LHX1: variants seen among roughly 807,000 people sequenced by gnomAD.
LHX1 encodes LIM homeobox 1, also known as LIM/homeobox protein Lhx1.
In LHX1, 9 loss-of-function variants were observed where a neutral mutation model predicts 34.1. The ratio of observed to expected loss-of-function variants is 0.26; its 90% confidence interval spans 0.16 to 0.46. The LOEUF (loss-of-function observed/expected upper bound fraction) is 0.46, where lower values mean the gene tolerates loss of function less well. Among genes scored for constraint, LHX1 ranks in the 20% least tolerant of loss-of-function variants. The pLI is 1.00. For synonymous variants in LHX1, 254 were observed against 241.5 expected, an observed-to-expected ratio of 1.05 and a Z score of -0.48; for missense variants, 446 against 559.1, an observed-to-expected ratio of 0.80 and a Z score of 2.04.
rs980980899 is a variant in LHX1 at position 36,937,816 on chromosome 17, C to T, written c.-382C>T. 7.2e-5 allele frequency: 36 copies of T among 501,604 alleles called. No individual in the cohort carries two copies. The highest frequency in any genetic ancestry group is 1.2e-4 in the Non-Finnish European group (30 of 257,734). 31.1% of individuals were successfully genotyped at this position (501,604 alleles called of 1,614,324 possible). On this transcript the variant is annotated 5_prime_UTR_variant, in exon 1 of 5. Transcript: ENST00000614239. The stretch of plus-strand genomic sequence containing the variant: ...CGGCGAGTCGTCGTCTTCTTCTTCT[C>T]CGTTTTTATTTATTTATTTCCGTTC...
upstream of LHX1, chr17:36,937,147 G>T (rs1480644146): frequency 1.2e-5 from 5 of 432,824 alleles, no homozygotes; most frequent in Non-Finnish European, 2.3e-5. Context: ...CGACTGTGGG[G>T]TTAGACGGAG....
chr17:36,941,087 C>G (rs1381889015), intron 3 of LHX1, 200 bp downstream of exon 3: 5 of 848,592 alleles, frequency 5.9e-6, no homozygotes, highest in Non-Finnish European at 9.6e-6. Context: ...CTTCCCAGCC[C>G]AACAGAGGTG....
rs1002349488 is a variant in LHX1, at chr17:36,937,937, G to A, written c.-261G>A. On this transcript the variant is annotated 5_prime_UTR_variant, in exon 1 of 5. Coordinates refer to ENST00000614239, the MANE Select transcript of LHX1 (RefSeq NM_005568.5). ...GAGACTTCTTTTCCTCGCCCCGGGA[G>A]CTCAGGCGGCGCCGCTCCAGCCCGG... 1.7e-6 allele frequency: 1 copy of A among 601,432 alleles called. No homozygotes were observed. The highest frequency in any genetic ancestry group is 3.0e-6 in the Non-Finnish European group (1 of 334,258). 37.3% of individuals were successfully genotyped at this position (601,432 alleles called of 1,614,324 possible).
In LHX1 at chr17:36,938,297, T is replaced by C. The variant is rs757283895; in HGVS notation, c.100T>C (p.Cys34Arg). 1 of 1,614,208 alleles carries C rather than the reference T, an allele frequency of 6.2e-7. No homozygotes were observed. The highest frequency in any genetic ancestry group is 1.3e-5 in the African/African-American group (1 of 75,050). ...CGTCAAGTGCGTCCAGTGCTGTGAA[T>C]GTAAATGCAACCTGACCGAGAAGTG... Reference protein sequence around the residue: ...WHVKCVQCCECKCNLTEKCFS... With the variant: ...WHVKCVQCCERKCNLTEKCFS... Residue 34 changes from cysteine to arginine, a missense_variant, in exon 1 of 5, where the codon TGT (cysteine) becomes CGT (arginine). By Grantham distance (180) the Cys-to-Arg change is radical (BLOSUM62 -3). Transcript: ENST00000614239.
chr17:36,940,258 C>CCGGGGGGGGGGGGGGGGG, intron 1 of LHX1, 32 bp from the exon 2 acceptor site: 1 of 528,908 alleles, frequency 1.9e-6, no homozygotes, highest in Non-Finnish European at 3.3e-6. Flanking sequence ...GACCCATCCC[C>CCGGGGGGGGGGGGGGGGG]GCCCCCGCCC....
At position 36,944,440 on chromosome 17, in the gene LHX1, A is replaced by C. The variant is rs113147497; in HGVS notation, c.*1309A>C. ...ATTTAAATTTTATGGTCAAATATGC[A>C]GTCAACAGCTGCTACTTTTTCTTTA... is the stretch of plus-strand genomic sequence containing the variant. On this transcript the variant is annotated 3_prime_UTR_variant, in exon 5 of 5. Transcript: ENST00000614239. 5.9e-4 allele frequency: 90 copies of C among 152,324 alleles called. No homozygotes were observed. Among genetic ancestry groups the C allele is most frequent in the African/African-American group, 2.1e-3 (88 of 41,562 alleles). The allele number at this position is 152,324 out of a possible 1,614,324, so 9.4% of individuals were successfully genotyped here.
chr17:36,937,880 T>C lies in LHX1; in HGVS notation c.-318T>C. On this transcript the variant is annotated 5_prime_UTR_variant, in exon 1 of 5. Transcript: ENST00000614239. Reference sequence around the variant, plus strand: ...CGCTGACCTTCACTCCTCCGCGGGCTCTGAGCAGAAGGGTCGCATTCTCTC... The same window carrying C: ...CGCTGACCTTCACTCCTCCGCGGGCCCTGAGCAGAAGGGTCGCATTCTCTC... 1.7e-6 allele frequency: 1 copy of C among 601,942 alleles called. No homozygotes were observed. Among genetic ancestry groups the C allele is most frequent in the South Asian group, 1.5e-5 (1 of 64,590 alleles). The allele number at this position is 601,942 out of a possible 1,614,324, so 37.3% of individuals were successfully genotyped here.
Position 36,942,300 on chromosome 17 carries a change from G to C in LHX1, c.776G>C (p.Arg259Pro). Residue 259 changes from arginine (R) to proline (P), a missense_variant, in exon 4 of 5, where the codon CGG (arginine) becomes CCG (proline). By Grantham distance (103) the Arg-to-Pro change is moderately radical. Transcript: ENST00000614239. ...HAFFRSPRRM[R>P]PLVDRLEPGE... ...TTCTTCCGCAGTCCGCGCCGGATGCGGCCGCTGGTGGACCGCCTGGAGCCG... is the reference window on the plus strand; with the variant it reads ...TTCTTCCGCAGTCCGCGCCGGATGCCGCCGCTGGTGGACCGCCTGGAGCCG... 1 of 1,593,734 alleles carries C rather than the reference G, an allele frequency of 6.3e-7. No individual in the cohort carries two copies. The highest frequency in any genetic ancestry group is 1.1e-5 in the South Asian group (1 of 88,110).
rs765354017 is a variant in LHX1, at chr17:36,940,851, G to A, written c.639G>A (p.Leu213=). 8.7e-6 allele frequency: 14 copies of A among 1,609,286 alleles called. No homozygotes were observed. The highest frequency in any genetic ancestry group is 1.3e-5 in the African/African-American group (1 of 74,886). ...PKPTRHIREQ[L]AQETGLNMRV... ...CCACCCGCCACATCCGCGAGCAGCT[G>A]GCGCAGGAGACCGGCCTCAACATGC... Residue 213 remains leucine (L), a synonymous_variant, in exon 3 of 5, where the codon CTG becomes CTA. Coordinates refer to ENST00000614239, the MANE Select transcript of LHX1 (RefSeq NM_005568.5).
chr17:36,940,872 C>A lies in LHX1; in HGVS notation c.660C>A (p.Asn220Lys). ...AGCTGGCGCAGGAGACCGGCCTCAA[C>A]ATGCGCGTCATTCAGGTCAGGCCCC... Reference protein sequence around the residue: ...REQLAQETGLNMRVIQVWFQN... With the variant: ...REQLAQETGLKMRVIQVWFQN... The change falls in exon 3 of 5, where the codon AAC (asparagine) becomes AAA (lysine). Residue 220 changes from asparagine to lysine, a missense_variant. By Grantham distance (94) the Asn-to-Lys change is moderately conservative. Transcript: ENST00000614239. The A allele has an allele frequency of 6.2e-7, 1 of 1,601,804 alleles. No homozygotes were observed. The highest frequency in any genetic ancestry group is 8.5e-7 in the Non-Finnish European group (1 of 1,176,308).
intron 3 of LHX1, 108 bp from the exon 4 acceptor site, chr17:36,942,092 C>A: frequency 2.6e-6 from 3 of 1,163,254 alleles, no homozygotes; most frequent in Non-Finnish European, 3.7e-6. Flanking sequence ...CAAGCGCGCG[C>A]GCGCGGTGTC....
In LHX1 at chr17:36,940,393, A is replaced by G; in HGVS notation, c.274A>G (p.Met92Val). 1.2e-6 allele frequency: 2 copies of G among 1,613,998 alleles called. No homozygotes were observed. Among genetic ancestry groups the G allele is most frequent in the Non-Finnish European group, 1.7e-6 (2 of 1,179,984 alleles). ...KVFHLNCFTC[M>V]MCNKQLSTGE... is the part of the protein sequence containing the mutation. ...GTTTCACCTGAACTGCTTCACCTGC[A>G]TGATGTGTAACAAGCAGCTCTCCAC... The change falls in exon 2 of 5, where the codon ATG (methionine) becomes GTG (valine). Residue 92 changes from methionine to valine, a missense_variant. Physicochemically the swap from Met to Val is conservative, Grantham distance 21 (BLOSUM62 1). This residue lies in a region of LHX1 where 168 missense variants were observed against 226.6 expected (regional missense o/e 0.74). Coordinates refer to ENST00000614239, the MANE Select transcript of LHX1 (RefSeq NM_005568.5).
Position 36,937,859 on chromosome 17 carries a change from G to T in LHX1, c.-339G>T, listed in dbSNP as rs371627466. The T allele has an allele frequency of 4.7e-5, 28 of 596,634 alleles. No homozygotes were observed. Among genetic ancestry groups the T allele is most frequent in the South Asian group, 4.3e-4 (28 of 65,534 alleles). The allele number at this position is 596,634 out of a possible 1,614,324, so 37.0% of individuals were successfully genotyped here. A position where few individuals can be genotyped will look rare whatever the true frequency, so the allele number is the denominator to read the frequency against. On this transcript the variant is annotated 5_prime_UTR_variant, in exon 1 of 5. Coordinates refer to ENST00000614239, the MANE Select transcript of LHX1 (RefSeq NM_005568.5). Reference sequence around the variant, plus strand: ...TTCCGTTCCCGCCGCCGTTCTCGCTGACCTTCACTCCTCCGCGGGCTCTGA... The same window carrying T: ...TTCCGTTCCCGCCGCCGTTCTCGCTTACCTTCACTCCTCCGCGGGCTCTGA...
upstream of LHX1, chr17:36,936,938 G>T (rs1357265256): frequency 4.3e-6 from 1 of 234,462 alleles, no homozygotes; most frequent in African/African-American, 2.4e-5. Flanking sequence ...GCGCCGAGCC[G>T]TTCCAGCCGC....
rs752040909 is a variant in LHX1 at position 36,943,195 on chromosome 17, T to TAG, written c.*66_*67dup. On this transcript the variant is annotated 3_prime_UTR_variant, in exon 5 of 5. Coordinates refer to ENST00000614239, the MANE Select transcript of LHX1 (RefSeq NM_005568.5). Reference sequence around the variant, plus strand: ...GAAATGAACCTTTATTTAAGAAAAATAGAAAAAAAAAAACATAAAAAGCAA... The same window carrying TAG: ...GAAATGAACCTTTATTTAAGAAAAATAGAGAAAAAAAAAAACATAAAAAGCAA... 5 of 1,139,974 alleles carry TAG rather than the reference T, an allele frequency of 4.4e-6. No individual in the cohort carries two copies. The highest frequency in any genetic ancestry group is 3.3e-5 in the East Asian group (1 of 30,736). 70.6% of individuals were successfully genotyped at this position (1,139,974 alleles called of 1,614,324 possible). A position where few individuals can be genotyped will look rare whatever the true frequency, so the allele number is the denominator to read the frequency against.
In LHX1 at chr17:36,940,504, A is replaced by C; in HGVS notation, c.385A>C (p.Ser129Arg). ...LSNSSVAKENSLHSATTGSDP... is the reference protein window; with the variant it reads ...LSNSSVAKENRLHSATTGSDP... ...TAACAGCAGTGTTGCCAAAGAGAAC[A>C]GCCTTCACTCGGGTGAGGCCCCAAT... The change falls in exon 2 of 5, where the codon AGC becomes CGC. Residue 129 changes from serine (S) to arginine (R), a missense_variant. By Grantham distance (110) the Ser-to-Arg change is moderately radical. Coordinates refer to ENST00000614239, the MANE Select transcript of LHX1 (RefSeq NM_005568.5). 1 of 1,613,982 alleles carries C rather than the reference A, an allele frequency of 6.2e-7. No homozygotes were observed. Among genetic ancestry groups the C allele is most frequent in the Non-Finnish European group, 8.5e-7 (1 of 1,180,034 alleles).
chr17:36,943,209 CAT>C lies in LHX1; in HGVS notation c.*80_*81del. On this transcript the variant is annotated 3_prime_UTR_variant, in exon 5 of 5. Coordinates refer to ENST00000614239, the MANE Select transcript of LHX1 (RefSeq NM_005568.5). ...TTTAAGAAAAATAGAAAAAAAAAAA[CAT>C]AAAAAGCAAGTCCCCACCCCCTTCC... 1 of 920,052 alleles carries C rather than the reference CAT, an allele frequency of 1.1e-6. No individual in the cohort carries two copies. Among genetic ancestry groups the C allele is most frequent in the Middle Eastern group, 3.1e-4 (1 of 3,182 alleles). 57.0% of individuals were successfully genotyped at this position (920,052 alleles called of 1,614,324 possible). A position where few individuals can be genotyped will look rare whatever the true frequency, so the allele number is the denominator to read the frequency against.
Position 36,938,038 on chromosome 17 carries a change from T to A in LHX1, c.-160T>A, listed in dbSNP as rs2070740108. ...CCGATCAGCCTCGTTTCCTCCACCC[T>A]ACTTTGATTTCCTGGTGCGAGTTTT... On this transcript the variant is annotated 5_prime_UTR_variant, in exon 1 of 5. Transcript: ENST00000614239. 4 of 693,466 alleles carry A rather than the reference T, an allele frequency of 5.8e-6. No homozygotes were observed. Among genetic ancestry groups the A allele is most frequent in the Non-Finnish European group, 1.0e-5 (4 of 400,428 alleles). 43.0% of individuals were successfully genotyped at this position (693,466 alleles called of 1,614,324 possible).
chr17:36,936,788 A>T (rs924188240), upstream of LHX1: 6 of 167,526 alleles, frequency 3.6e-5, no homozygotes, highest in South Asian at 6.3e-4. Context: ...CTCAGCCAAC[A>T]GCCAGGAGCA....
Sources: allele counts gnomAD v4.1 joint callset, GRCh38; gene constraint gnomAD v4.1.1; regional missense constraint gnomAD v4.1.1; transcripts MANE v1.5; gene names NCBI Gene and HGNC (gene_info 2026-07-23, HGNC 2026-07-21).